ALOX15B: variants seen among roughly 807,000 people sequenced by gnomAD.
ALOX15B encodes the protein arachidonate 15-lipoxygenase type B.
In ALOX15B, 74 loss-of-function variants were observed where a neutral mutation model predicts 73.8. That is an observed-to-expected ratio of 1.00 (90% confidence interval 0.83 to 1.22). The LOEUF is 1.22. ALOX15B is among the 50% of genes most tolerant of loss of function. The pLI, the probability that ALOX15B is intolerant of heterozygous loss-of-function variation, is 0.00. For synonymous variants in ALOX15B, 353 were observed against 357.2 expected (o/e 0.99, Z 0.13); for missense variants, 896 against 859.9 (o/e 1.04, Z -0.52).
At position 8,046,718 on chromosome 17, in the gene ALOX15B, G is replaced by A. The variant is rs146394395; in HGVS notation, c.1251G>A (p.Arg417=). Residue 417 remains arginine (R), a synonymous_variant, in exon 9 of 14, where the codon CGG becomes CGA. Coordinates refer to ENST00000380183, the MANE Select transcript of ALOX15B (RefSeq NM_001141.3). ...RYTLHINTLA[R]ELLIVPGQVV... is the part of the protein sequence containing the mutation. ...CCCTGCACATCAACACACTCGCCCGGGAGCTGCTTATCGTGCCAGGGCAGG... is the reference window on the plus strand; with the variant it reads ...CCCTGCACATCAACACACTCGCCCGAGAGCTGCTTATCGTGCCAGGGCAGG... 16 of 1,613,762 alleles carry A rather than the reference G, an allele frequency of 9.9e-6. No homozygotes were observed. The highest frequency in any genetic ancestry group is 3.3e-4 in the Middle Eastern group (2 of 6,044).
chr17:8,039,622 GC>G lies in ALOX15B; in HGVS notation c.367+18del. 1 of 1,171,806 alleles carries G rather than the reference GC, an allele frequency of 8.5e-7. No homozygotes were observed. The highest frequency in any genetic ancestry group is 1.2e-6 in the Non-Finnish European group (1 of 825,208). 72.6% of individuals were successfully genotyped at this position (1,171,806 alleles called of 1,614,324 possible). Reference sequence around the variant, plus strand: ...AGGGTACAGGTGAGGGGCGGGCCGGGCTGGGGCTGCAGGGGGAGCACAGGAA... The same window carrying G: ...AGGGTACAGGTGAGGGGCGGGCCGGGTGGGGCTGCAGGGGGAGCACAGGAA... On this transcript the variant is annotated intron_variant, in intron 2 of 13. Coordinates refer to ENST00000380183, the MANE Select transcript of ALOX15B (RefSeq NM_001141.3).
chr17:8,044,259 C>G (rs915773734), intron 5 of ALOX15B, among the ~76,000 whole-genome samples: 1 of 151,382 alleles, frequency 6.6e-6, no homozygotes, highest in East Asian at 1.9e-4. Context: ...CTGTCTCTAC[C>G]AAAAAGACAA....
At chr17:8,047,098 G>T in intron 10 of ALOX15B, 22 bp downstream of exon 10, 1 of 1,612,932 alleles carries the variant, frequency 6.2e-7, no homozygotes, top group Non-Finnish European at 8.5e-7. Flanking sequence ...TCCCTGGAGA[G>T]CCGAGGGCTG....
At position 8,048,384 on chromosome 17, in the gene ALOX15B, A is replaced by G. The variant is rs1976669310; in HGVS notation, c.1852-2A>G. ...TCACCCAACCTTGTGGTGGATCCTC[A>G]GAGGCCCCTGGGCACCTATCCGGAT... On this transcript the variant is annotated splice_acceptor_variant, in intron 13 of 13. Coordinates refer to ENST00000380183, the MANE Select transcript of ALOX15B (RefSeq NM_001141.3). LOFTEE classifies it high-confidence loss of function. The G allele has an allele frequency of 3.7e-6, 6 of 1,609,838 alleles. No homozygotes were observed. Among genetic ancestry groups the G allele is most frequent in the Non-Finnish European group, 4.2e-6 (5 of 1,177,504 alleles).
chr17:8,045,563 G>C lies in ALOX15B; in HGVS notation c.1077G>C (p.Trp359Cys). The C allele has an allele frequency of 6.2e-7, 1 of 1,614,150 alleles. No individual in the cohort carries two copies. Residue 359 changes from tryptophan (W) to cysteine (C), a missense_variant, in exon 8 of 14, where the codon TGG becomes TGC. Transcript: ENST00000380183. ...DKWDWLLAKT[W>C]VRNAEFSFHE... ...GGGACTGGTTGCTGGCCAAGACCTG[G>C]GTGCGCAATGCCGAGTTCTCCTTCC... is the stretch of plus-strand genomic sequence containing the variant.
At chr17:8,046,432 A>G (rs2075815) in intron 8 of ALOX15B, among the ~76,000 whole-genome samples, 43,450 of 152,068 alleles carry the variant, frequency 0.29, 7,065 homozygotes, top group Admixed American at 0.39. Flanking sequence ...CAGCACCCAC[A>G]TTTGACAAAA....
In ALOX15B at chr17:8,039,985, T is replaced by C. The variant is rs1450496238; in HGVS notation, c.449+2T>C. On this transcript the variant is annotated splice_donor_variant, in intron 3 of 13. Coordinates refer to ENST00000380183, the MANE Select transcript of ALOX15B (RefSeq NM_001141.3). LOFTEE classifies it high-confidence loss of function. ...TCAGGCCCGGCAGGAGATGTACCAG[T>C]GAGGAGGGGGTTACTGATGGGGGAG... 6.2e-7 allele frequency: 1 copy of C among 1,610,646 alleles called. No individual in the cohort carries two copies. The highest frequency in any genetic ancestry group is 1.3e-5 in the African/African-American group (1 of 74,210).
chr17:8,047,709 A>G lies in ALOX15B; in HGVS notation c.1681-36A>G, dbSNP rs1290235805. The stretch of plus-strand genomic sequence containing the variant: ...CGAGGTGGCAGGCTGGAGGTGACCC[A>G]GCTCCTCAGCCTCATTCTGCCCTCT... On this transcript the variant is annotated intron_variant, in intron 12 of 13. Coordinates refer to ENST00000380183, the MANE Select transcript of ALOX15B (RefSeq NM_001141.3). The G allele has an allele frequency of 1.8e-5, 29 of 1,613,792 alleles. No individual in the cohort carries two copies. In the Admixed American group the frequency reaches 4.0e-4, roughly 22 times the overall value.
Position 8,039,887 on chromosome 17 carries a change from C to G in ALOX15B, c.368-15C>G. The G allele has an allele frequency of 6.2e-7, 1 of 1,607,928 alleles. No individual in the cohort carries two copies. Among genetic ancestry groups the G allele is most frequent in the Non-Finnish European group, 8.5e-7 (1 of 1,176,508 alleles). On this transcript the variant is annotated splice_polypyrimidine_tract_variant and intron_variant, in intron 2 of 13. Coordinates refer to ENST00000380183, the MANE Select transcript of ALOX15B (RefSeq NM_001141.3). ...GTTTCTCTCCCCACCCCAACCTACTCCCCTTCTCCCACAGCCAAGGTGTCC... is the reference window on the plus strand; with the variant it reads ...GTTTCTCTCCCCACCCCAACCTACTGCCCTTCTCCCACAGCCAAGGTGTCC...
At chr17:8,040,601 G>GAGAGAGAAAGAAAGAA (rs1555638441) in intron 3 of ALOX15B, among the ~76,000 whole-genome samples, 2,280 of 109,460 alleles carry the variant, frequency 0.021, 50 homozygotes, top group African/African-American at 0.038. Flanking sequence ...AAGAAAGAGA[G>GAGAGAGAAAGAAAGAA]AGAAAGAAAG....
chr17:8,045,719 C>T (rs894889583), intron 8 of ALOX15B, 33 bp downstream of exon 8: 1 of 1,605,656 alleles, frequency 6.2e-7, no homozygotes, highest in Non-Finnish European at 8.5e-7. Context: ...CCAGCCTGTG[C>T]CCATGCCTCT....
chr17:8,047,355 G>T lies in ALOX15B; in HGVS notation c.1555G>T (p.Gly519Cys). 1.2e-6 allele frequency: 2 copies of T among 1,614,016 alleles called. No individual in the cohort carries two copies. The highest frequency in any genetic ancestry group is 1.7e-6 in the Non-Finnish European group (2 of 1,179,988). Residue 519 changes from glycine to cysteine, a missense_variant, in exon 11 of 14, where the codon GGC (glycine) becomes TGC (cysteine). By Grantham distance (159) the Gly-to-Cys change is radical (BLOSUM62 -3). Coordinates refer to ENST00000380183, the MANE Select transcript of ALOX15B (RefSeq NM_001141.3). Reference sequence around the variant, plus strand: ...CTGGGTCAGAGAGATCTTCTCCAAGGGCTTCCTAAACCAGGAGAGCTCAGG... The same window carrying T: ...CTGGGTCAGAGAGATCTTCTCCAAGTGCTTCCTAAACCAGGAGAGCTCAGG... ...QAWVREIFSK[G>C]FLNQESSGIP...
Position 8,048,322 on chromosome 17 carries a change from G to A in ALOX15B, c.1852-64G>A. 5 of 1,547,626 alleles carry A rather than the reference G, an allele frequency of 3.2e-6. No homozygotes were observed. In the East Asian group the frequency reaches 1.1e-4, roughly 35 times the overall value. Reference sequence around the variant, plus strand: ...AAGTTGCAGCTGCTCAGATAGTGGGGACCAGGAGTCTGGGATGCAGGACCT... The same window carrying A: ...AAGTTGCAGCTGCTCAGATAGTGGGAACCAGGAGTCTGGGATGCAGGACCT... On this transcript the variant is annotated intron_variant, in intron 13 of 13. Coordinates refer to ENST00000380183, the MANE Select transcript of ALOX15B (RefSeq NM_001141.3).
rs200284741 is a variant in ALOX15B, at chr17:8,048,545, G to T, written c.2011G>T (p.Glu671Ter). Reference protein sequence around the residue: ...PYTYLDPPLIENSVSI With the variant: ...PYTYLDPPLI ...CACCTACCTAGACCCTCCCCTCATC[G>T]AGAACAGCGTCTCCATCTAAATCCC... Residue 671 changes from glutamate to a stop codon, truncating the protein, a stop_gained, in exon 14 of 14, where the codon GAG (glutamate) becomes TAG (stop). Coordinates refer to ENST00000380183, the MANE Select transcript of ALOX15B (RefSeq NM_001141.3). LOFTEE classifies it high-confidence loss of function. The T allele has an allele frequency of 1.2e-6, 2 of 1,613,722 alleles. No individual in the cohort carries two copies. The highest frequency in any genetic ancestry group is 3.3e-5 in the Admixed American group (2 of 59,982).
At position 8,040,062 on chromosome 17, in the gene ALOX15B, T is replaced by G. The variant is rs1185981041; in HGVS notation, c.449+79T>G. 4.1e-5 allele frequency: 56 copies of G among 1,378,534 alleles called. No individual in the cohort carries two copies. The East Asian group carries it at 1.3e-3, about 31-fold the overall frequency. The allele number at this position is 1,378,534 out of a possible 1,614,324, so 85.4% of individuals were successfully genotyped here. A position where few individuals can be genotyped will look rare whatever the true frequency, so the allele number is the denominator to read the frequency against. On this transcript the variant is annotated intron_variant, in intron 3 of 13. Coordinates refer to ENST00000380183, the MANE Select transcript of ALOX15B (RefSeq NM_001141.3). ...TTGAGTGTCCTGGTCATGACAGAGATTAAAAGCCCCTGCCTCCACCTCTCC... is the reference window on the plus strand; with the variant it reads ...TTGAGTGTCCTGGTCATGACAGAGAGTAAAAGCCCCTGCCTCCACCTCTCC...
chr17:8,039,857 G>A, intron 2 of ALOX15B, 45 bp from the exon 3 acceptor site: 1 of 1,556,256 alleles, frequency 6.4e-7, no homozygotes, highest in Non-Finnish European at 8.8e-7. Context: ...TGGTAGTGAT[G>A]GTGAGTTTCT....
chr17:8,045,613 A>C lies in ALOX15B; in HGVS notation c.1127A>C (p.His376Pro). Residue 376 changes from histidine to proline, a missense_variant, in exon 8 of 14, where the codon CAC becomes CCC. Transcript: ENST00000380183. ...SFHEALTHLLHSHLLPEVFTL... is the reference protein window; with the variant it reads ...SFHEALTHLLPSHLLPEVFTL... ...CATGAGGCCCTCACGCACCTGCTGC[A>C]CTCACATCTGCTGCCTGAGGTCTTC... is the stretch of plus-strand genomic sequence containing the variant. 1 of 1,614,106 alleles carries C rather than the reference A, an allele frequency of 6.2e-7. No individual in the cohort carries two copies. Among genetic ancestry groups the C allele is most frequent in the Non-Finnish European group, 8.5e-7 (1 of 1,179,998 alleles).
In ALOX15B at chr17:8,045,753, C is replaced by T. The variant is rs1043522503; in HGVS notation, c.1200+67C>T. The T allele has an allele frequency of 4.2e-5, 64 of 1,533,548 alleles. No homozygotes were observed. The Admixed American group carries it at 1.2e-3, about 28-fold the overall frequency. The allele number at this position is 1,533,548 out of a possible 1,614,324, so 95.0% of individuals were successfully genotyped here. On this transcript the variant is annotated intron_variant, in intron 8 of 13. Coordinates refer to ENST00000380183, the MANE Select transcript of ALOX15B (RefSeq NM_001141.3). ...CTGTGCCTCTTCTAAGCAGCCTTTC[C>T]TCACATGGCCCTATCCATGCAAGCT...
In ALOX15B at chr17:8,044,116, G is replaced by GAAGGAAGA. The variant is rs1241648890; in HGVS notation, c.677-706_677-705insAAAGGAAG. Among the ~76,000 whole-genome samples the GAAGGAAGA allele has an allele frequency of 1.2e-3, 145 of 124,614 alleles. 2 individuals are homozygous for GAAGGAAGA. The highest frequency in any genetic ancestry group is 2.1e-3 in the Non-Finnish European group (119 of 56,876). The allele number at this position is 124,614 out of a possible 152,430, so 81.8% of individuals were successfully genotyped here. A position where few individuals can be genotyped will look rare whatever the true frequency, so the allele number is the denominator to read the frequency against. On this transcript the variant is annotated intron_variant, in intron 5 of 13. Coordinates refer to ENST00000380183, the MANE Select transcript of ALOX15B (RefSeq NM_001141.3). ...GGGAGAGAGAGAGAGAGGAAGGAAG[G>GAAGGAAGA]AAGGAAGGAAGGAAGGAAGGAAGGA...
Sources: gnomAD v4.1 joint callset for allele counts (sites outside exome capture counted in the v4.1 genomes callset) on GRCh38, gnomAD v4.1.1 for gene constraint, MANE v1.5 for transcripts, NCBI Gene and HGNC (gene_info 2026-07-23, HGNC 2026-07-21) for gene names.